RANBP17: variants seen among roughly 807,000 people sequenced by gnomAD.
The protein encoded by RANBP17 is RAN binding protein 17.
In RANBP17, 158 loss-of-function variants were observed where a neutral mutation model predicts 141.2. That is an observed-to-expected ratio of 1.12 (90% confidence interval 0.98 to 1.28). The LOEUF is 1.28. RANBP17 is among the 50% of genes most tolerant of loss of function. The probability of loss-of-function intolerance (pLI) is 0.00; values close to 1 mark genes in which losing one functional copy is unlikely to be tolerated. For synonymous variants in RANBP17, 430 were observed against 450.0 expected (o/e 0.96, Z 0.56); for missense variants, 1,438 against 1,290.7 (o/e 1.11, Z -1.75).
intron 14 of RANBP17, among the ~76,000 whole-genome samples, chr5:171,130,094 G>A (rs1043462656): frequency 2.0e-5 from 3 of 152,070 alleles, no homozygotes; most frequent in Non-Finnish European, 4.4e-5. Flanking sequence ...ACAGTAATAG[G>A]TATTCTGGTT....
chr5:171,273,876 T>C (rs970797836), intron 25 of RANBP17, among the ~76,000 whole-genome samples: 9 of 152,202 alleles, frequency 5.9e-5, no homozygotes. Flanking sequence ...TTGATTTTAC[T>C]TAATCTGGGG....
chr5:171,228,517 T>C (rs1379828408), intron 22 of RANBP17, among the ~76,000 whole-genome samples: 1 of 152,226 alleles, frequency 6.6e-6, no homozygotes, highest in Non-Finnish European at 1.5e-5. Context: ...CTTTAAAATA[T>C]GACATAACCT....
chr5:171,290,367 CAA>C (rs535661442), intron 25 of RANBP17, among the ~76,000 whole-genome samples: 17 of 102,566 alleles, frequency 1.7e-4, no homozygotes, highest in South Asian at 2.9e-4. Flanking sequence ...GACTCCGTCT[CAA>C]AAAAAAAAAA....
At chr5:171,207,974 A>T (rs1449967588) in intron 20 of RANBP17, 1 of 138,688 alleles carries the variant, frequency 7.2e-6, no homozygotes, top group Non-Finnish European at 1.6e-5. Context: ...TAAGTATGAT[A>T]AAAAAATGCC....
chr5:171,260,021 C>T (rs1766187607), intron 24 of RANBP17, among the ~76,000 whole-genome samples: 1 of 151,002 alleles, frequency 6.6e-6, no homozygotes, highest in Non-Finnish European at 1.5e-5. Flanking sequence ...AAAATTAGGT[C>T]GGGCGCAGTG....
At chr5:171,044,363 A>G (rs1452821094) in intron 14 of RANBP17, among the ~76,000 whole-genome samples, 2 of 151,984 alleles carry the variant, frequency 1.3e-5, no homozygotes, top group African/African-American at 2.4e-5. Flanking sequence ...ATATTTCAGC[A>G]TATTAAAGAA....
intron 14 of RANBP17, among the ~76,000 whole-genome samples, chr5:171,060,506 A>T (rs557565071): frequency 6.8e-6 from 1 of 147,450 alleles, no homozygotes; most frequent in African/African-American, 2.5e-5. Context: ...CATCCCAGGG[A>T]TGAAGCCCAC....
chr5:171,078,571 A>G (rs1785079217), intron 14 of RANBP17, among the ~76,000 whole-genome samples: 1 of 152,234 alleles, frequency 6.6e-6, no homozygotes, highest in South Asian at 2.1e-4. Context: ...TTCAAAAGAC[A>G]GGCTGATTCT....
rs767583155 is a variant in RANBP17, at chr5:170,916,518, T to C, written c.888T>C (p.Ser296=). The change falls in exon 9 of 28, where the codon AGT becomes AGC. Residue 296 remains serine (S), a synonymous_variant. Transcript: ENST00000523189. ...CGACAAGAAGGTCCTTATTTAACAGTCCTGAACGTGCCAAGTACCTTGGTA... is the reference window on the plus strand; with the variant it reads ...CGACAAGAAGGTCCTTATTTAACAGCCCTGAACGTGCCAAGTACCTTGGTA... ...FASTRRSLFN[S]PERAKYLGNL... is the part of the protein sequence containing the mutation. 4 of 1,592,424 alleles carry C rather than the reference T, an allele frequency of 2.5e-6. No individual in the cohort carries two copies. In the Admixed American group the frequency reaches 6.9e-5, roughly 27 times the overall value.
chr5:171,069,792 CCAT>C (rs1332123425), intron 14 of RANBP17, among the ~76,000 whole-genome samples: 1 of 151,854 alleles, frequency 6.6e-6, no homozygotes, highest in African/African-American at 2.4e-5. Flanking sequence ...GGATGTAACC[CCAT>C]CATAAGTCAA....
At chr5:170,919,958 A>G (rs930303623) in intron 11 of RANBP17, among the ~76,000 whole-genome samples, 4 of 152,018 alleles carry the variant, frequency 2.6e-5, no homozygotes, top group Non-Finnish European at 4.4e-5. Flanking sequence ...TCCACTTAGC[A>G]TAATGCATTT....
chr5:171,289,007 C>T (rs191553324), intron 25 of RANBP17, among the ~76,000 whole-genome samples: 116 of 152,306 alleles, frequency 7.6e-4, no homozygotes, highest in African/African-American at 2.6e-3. Flanking sequence ...ACAAGAACTT[C>T]CCTGTTTTCT....
intron 16 of RANBP17, among the ~76,000 whole-genome samples, chr5:171,175,736 A>G (rs1760424980): frequency 6.6e-6 from 1 of 151,998 alleles, no homozygotes; most frequent in Non-Finnish European, 1.5e-5. Flanking sequence ...TGAGATACCA[A>G]TATCTAGCTT....
chr5:170,953,620 T>G lies in RANBP17; in HGVS notation c.1492T>G (p.Leu498Val), dbSNP rs1409836562. The change falls in exon 13 of 28, where the codon TTA becomes GTA. Residue 498 changes from leucine to valine, a missense_variant. Physicochemically the swap from Leu to Val is conservative, Grantham distance 32. Coordinates refer to ENST00000523189, the MANE Select transcript of RANBP17 (RefSeq NM_022897.5). The part of the protein sequence containing the change: ...QEGRLAWLVY[L>V]VGTVVGGRLT... ...AGGACGTCTTGCATGGCTGGTATAC[T>G]TAGTTGGGACAGTTGTAGGAGGAAG... is the stretch of plus-strand genomic sequence containing the variant. The G allele has an allele frequency of 4.3e-6, 7 of 1,610,966 alleles. No individual in the cohort carries two copies. The highest frequency in any genetic ancestry group is 5.9e-6 in the Non-Finnish European group (7 of 1,177,582).
intron 5 of RANBP17, among the ~76,000 whole-genome samples, chr5:170,898,280 A>T (rs1297140403): frequency 3.3e-5 from 5 of 152,136 alleles, no homozygotes; most frequent in Non-Finnish European, 1.5e-5. Context: ...TCTAATGACT[A>T]GTGATGATGA....
intron 13 of RANBP17, among the ~76,000 whole-genome samples, chr5:170,965,717 A>G (rs1485410672): frequency 2.0e-5 from 3 of 152,000 alleles, no homozygotes; most frequent in Non-Finnish European, 4.4e-5. Context: ...GTAGATATGC[A>G]GCGTTATTTC....
chr5:171,221,924 T>A, intron 22 of RANBP17, 84 bp downstream of exon 22: 2 of 880,976 alleles, frequency 2.3e-6, no homozygotes, highest in East Asian at 5.0e-5. Context: ...TTTGTTCTTT[T>A]GAACTTTCAT....
At chr5:170,900,137 G>T (rs925666141) in intron 5 of RANBP17, among the ~76,000 whole-genome samples, 1 of 152,026 alleles carries the variant, frequency 6.6e-6, no homozygotes, top group African/African-American at 2.4e-5. Context: ...TCGTGAATCC[G>T]TCTGGTCCAG....
At chr5:171,155,078 G>GA (rs145976955) in intron 14 of RANBP17, among the ~76,000 whole-genome samples, 12,060 of 74,924 alleles carry the variant, frequency 0.16, 1,335 homozygotes, top group Non-Finnish European at 0.19. Flanking sequence ...ACTCCATCTA[G>GA]AAAAAAAAAA....
Sources: gnomAD v4.1 joint callset for allele counts (sites outside exome capture counted in the v4.1 genomes callset) on GRCh38, gnomAD v4.1.1 for gene constraint, MANE v1.5 for transcripts, NCBI Gene and HGNC (gene_info 2026-07-23, HGNC 2026-07-21) for gene names.